GID4: variants seen among roughly 807,000 people sequenced by gnomAD.
The protein encoded by GID4 is glucose-induced degradation protein 4 homolog.
A neutral mutation model predicts 32.4 loss-of-function variants in GID4; 7 were observed. The observed-to-expected ratio is 0.22, with a 90% confidence interval of 0.12 to 0.41. The LOEUF is 0.41. Among genes scored for constraint, GID4 ranks in the 10% least tolerant of loss-of-function variants. The probability of loss-of-function intolerance (pLI) is 1.00; values close to 1 mark genes in which losing one functional copy is unlikely to be tolerated. For synonymous variants in GID4, 166 were observed against 170.0 expected (o/e 0.98, Z 0.18); for missense variants, 309 against 400.0 (o/e 0.77, Z 1.94).
At position 18,068,370 on chromosome 17, in the gene GID4, A is replaced by G. The variant is rs1218547705; in HGVS notation, c.*3127A>G. The G allele has an allele frequency of 5.2e-5, 5 of 95,974 alleles. No homozygotes were observed. 5.9% of individuals were successfully genotyped at this position (95,974 alleles called of 1,614,324 possible). On this transcript the variant is annotated 3_prime_UTR_variant, in exon 6 of 6. Transcript: ENST00000268719. ...TTTGCAGAGCTATCAATGTCCAAAT[A>G]ATTTAAAAAAAAAAATAAAGGTATT...
chr17:18,060,167 A>G (rs561952781), intron 4 of GID4, among the ~76,000 whole-genome samples: 3 of 151,820 alleles, frequency 2.0e-5, no homozygotes, highest in East Asian at 1.9e-4. Flanking sequence ...TGGGAGGCCA[A>G]GAGAGCCAGA....
chr17:18,056,928 C>A, intron 3 of GID4: 2 of 1,550,614 alleles, frequency 1.3e-6, no homozygotes, highest in Non-Finnish European at 1.7e-6. Context: ...CAGGTTCCCA[C>A]GTGGGACTCC....
chr17:18,064,142 A>G (rs567394908), intron 5 of GID4, among the ~76,000 whole-genome samples: 4 of 152,302 alleles, frequency 2.6e-5, no homozygotes, highest in Admixed American at 6.5e-5. Context: ...GAACATGGGT[A>G]TATCTGAGTT....
In GID4 at chr17:18,066,444, G is replaced by C. The variant is rs528228521; in HGVS notation, c.*1201G>C. 2.1e-5 allele frequency: 3 copies of C among 142,014 alleles called. No homozygotes were observed. The South Asian group carries it at 7.1e-4, about 33-fold the overall frequency. The allele number at this position is 142,014 out of a possible 1,614,324, so 8.8% of individuals were successfully genotyped here. Reference sequence around the variant, plus strand: ...CATGCTCAAATAACTCGAGGCTCACGTGCCAAAGTGTGTGTGTGTGTGTGT... The same window carrying C: ...CATGCTCAAATAACTCGAGGCTCACCTGCCAAAGTGTGTGTGTGTGTGTGT... On this transcript the variant is annotated 3_prime_UTR_variant, in exon 6 of 6. Coordinates refer to ENST00000268719, the MANE Select transcript of GID4 (RefSeq NM_024052.5).
At chr17:18,063,357 C>T (rs1031177810) in intron 5 of GID4, among the ~76,000 whole-genome samples, 10 of 151,912 alleles carry the variant, frequency 6.6e-5, no homozygotes, top group African/African-American at 2.4e-4. Context: ...TTGCGGTGGG[C>T]CGAGATTGCA....
At chr17:18,046,932 A>G in intron 2 of GID4, among the ~76,000 whole-genome samples, 1 of 151,970 alleles carries the variant, frequency 6.6e-6, no homozygotes, top group South Asian at 2.1e-4. Context: ...CAAAAAAAAA[A>G]AAAAAAAAAA....
chr17:18,040,447 C>T (rs1164724004), intron 1 of GID4, among the ~76,000 whole-genome samples: 9 of 152,150 alleles, frequency 5.9e-5, no homozygotes, highest in African/African-American at 2.2e-4. Context: ...TCATCAGACC[C>T]CCAGACGGGG....
In GID4 at chr17:18,065,172, C is replaced by G; in HGVS notation, c.840-8C>G. On this transcript the variant is annotated splice_polypyrimidine_tract_variant and splice_region_variant and intron_variant, in intron 5 of 5. Transcript: ENST00000268719. The stretch of plus-strand genomic sequence containing the variant: ...CTACCTCCCGTTTCTGTCTCCTCCC[C>G]CTTGCAGGTATCAGTCCCTCAATCT... 6.2e-7 allele frequency: 1 copy of G among 1,611,478 alleles called. No individual in the cohort carries two copies. The highest frequency in any genetic ancestry group is 8.5e-7 in the Non-Finnish European group (1 of 1,177,616).
At chr17:18,041,236 G>GT (rs2044800709) in intron 1 of GID4, among the ~76,000 whole-genome samples, 1 of 152,106 alleles carries the variant, frequency 6.6e-6, no homozygotes, top group Admixed American at 6.5e-5. Flanking sequence ...AGGGTGGAAT[G>GT]TACAGTATAT....
intron 2 of GID4, among the ~76,000 whole-genome samples, chr17:18,048,768 G>A (rs1198083902): frequency 4.6e-5 from 7 of 151,576 alleles, no homozygotes; most frequent in East Asian, 4.0e-4. Flanking sequence ...TCAGCCTCCC[G>A]AGTAGCTGGA....
chr17:18,056,512 A>T (rs546019864), intron 3 of GID4, among the ~76,000 whole-genome samples: 5 of 152,332 alleles, frequency 3.3e-5, no homozygotes, highest in African/African-American at 1.2e-4. Flanking sequence ...TCTCCTGTAC[A>T]GTCCCAGAGT....
rs1197021587 is a variant in GID4 at position 18,061,718 on chromosome 17, C to T, written c.709-127C>T. The T allele has an allele frequency of 2.3e-5, 20 of 887,284 alleles. No individual in the cohort carries two copies. The Admixed American group carries it at 4.1e-4, about 18-fold the overall frequency. 55.0% of individuals were successfully genotyped at this position (887,284 alleles called of 1,614,324 possible). On this transcript the variant is annotated intron_variant, in intron 4 of 5. Transcript: ENST00000268719. This position sits in a 1 kb window ranked among gnomAD's most constrained non-coding sequence, Gnocchi z 4.4. ...ACGGGCCCGCCATCACCCAGCAAGT[C>T]TAGGTTAGACTATGAGATCCTATAT...
In GID4 at chr17:18,067,280, A is replaced by G. The variant is rs1424446551; in HGVS notation, c.*2037A>G. ...AGGGATATAGGCCTCCCCTTGGAGC[A>G]CTGAGTCCGGAGGTCATCCCTGAGC... On this transcript the variant is annotated 3_prime_UTR_variant, in exon 6 of 6. Coordinates refer to ENST00000268719, the MANE Select transcript of GID4 (RefSeq NM_024052.5). The G allele has an allele frequency of 6.6e-6, 1 of 152,266 alleles. No individual in the cohort carries two copies. Among genetic ancestry groups the G allele is most frequent in the Non-Finnish European group, 1.5e-5 (1 of 68,096 alleles). The allele number at this position is 152,266 out of a possible 1,614,324, so 9.4% of individuals were successfully genotyped here. A position where few individuals can be genotyped will look rare whatever the true frequency, so the allele number is the denominator to read the frequency against.
At position 18,055,908 on chromosome 17, in the gene GID4, G is replaced by A. The variant is rs1328301791; in HGVS notation, c.606+1674G>A. 2.0e-5 allele frequency among the ~76,000 whole-genome samples: 3 copies of A among 152,168 alleles called. No homozygotes were observed. In the South Asian group the frequency reaches 6.2e-4, roughly 32 times the overall value. On this transcript the variant is annotated intron_variant, in intron 3 of 5. Coordinates refer to ENST00000268719, the MANE Select transcript of GID4 (RefSeq NM_024052.5). ...GGCTGGAGTGCAGTGGCGTAATCTC[G>A]GCTCACTGCAACCTCTGCTCACTGC...
Position 18,045,162 on chromosome 17 carries a change from A to C in GID4, c.454A>C (p.Asn152His). 6.2e-7 allele frequency: 1 copy of C among 1,613,458 alleles called. No individual in the cohort carries two copies. The highest frequency in any genetic ancestry group is 8.5e-7 in the Non-Finnish European group (1 of 1,179,424). ...TTCTTTTCAGCACGTGGACACGGGGAACTCTTACCTTTGTGGGTACTTGAA... is the reference window on the plus strand; with the variant it reads ...TTCTTTTCAGCACGTGGACACGGGGCACTCTTACCTTTGTGGGTACTTGAA... ...EVVLQHVDTGNSYLCGYLKIK... is the reference protein window; with the variant it reads ...EVVLQHVDTGHSYLCGYLKIK... Residue 152 changes from asparagine to histidine, a missense_variant, in exon 2 of 6, where the codon AAC becomes CAC. Asn to His is a moderately conservative substitution (Grantham distance 68). Coordinates refer to ENST00000268719, the MANE Select transcript of GID4 (RefSeq NM_024052.5).
intron 1 of GID4, among the ~76,000 whole-genome samples, chr17:18,041,358 C>G (rs540817816): frequency 6.6e-6 from 1 of 152,162 alleles, no homozygotes; most frequent in Non-Finnish European, 1.5e-5. Context: ...CTGCTAACTG[C>G]GGAGCACTCA....
In GID4 at chr17:18,039,659, G is replaced by T; in HGVS notation, c.195G>T (p.Ala65=). ...CCGCCACCCTCCTCGGCTCCCGCGC[G>T]GCGGCGGCGGTTCCTCTCCCACTCC... The part of the protein sequence containing the change: ...SLPATLLGSR[A]AAAVPLPLPP... Residue 65 remains alanine, a synonymous_variant, in exon 1 of 6, where the codon GCG becomes GCT. Transcript: ENST00000268719. This position sits in a 1 kb window ranked among gnomAD's most constrained non-coding sequence, Gnocchi z 5.3. The T allele has an allele frequency of 2.4e-6, 3 of 1,253,818 alleles. No individual in the cohort carries two copies. Among genetic ancestry groups the T allele is most frequent in the Non-Finnish European group, 3.0e-6 (3 of 991,288 alleles). 77.7% of individuals were successfully genotyped at this position (1,253,818 alleles called of 1,614,324 possible). A position where few individuals can be genotyped will look rare whatever the true frequency, so the allele number is the denominator to read the frequency against.
chr17:18,049,356 A>G (rs1169174732), intron 2 of GID4, among the ~76,000 whole-genome samples: 1 of 148,566 alleles, frequency 6.7e-6, no homozygotes, highest in Non-Finnish European at 1.5e-5. Flanking sequence ...AAAAAAGGAG[A>G]TAAGTGTCAA....
At chr17:18,053,229 T>A (rs2044931404) in intron 2 of GID4, among the ~76,000 whole-genome samples, 1 of 149,776 alleles carries the variant, frequency 6.7e-6, no homozygotes, top group Non-Finnish European at 1.5e-5. Flanking sequence ...GTCAGGTTGG[T>A]CTTGAACTCC....
Sources: gnomAD v4.1 joint callset for allele counts (sites outside exome capture counted in the v4.1 genomes callset) on GRCh38, gnomAD v4.1.1 for gene constraint, Gnocchi (gnomAD v3.1) non-coding constraint, MANE v1.5 for transcripts, NCBI Gene and HGNC (gene_info 2026-07-23, HGNC 2026-07-21) for gene names.